Variants in CNTLN observed in about 807,000 individuals in gnomAD.
CNTLN encodes the protein centlein.
In CNTLN, 212 loss-of-function variants were observed where a neutral mutation model predicts 180.0. That is an observed-to-expected ratio of 1.18 (90% CI 1.05 to 1.32). The LOEUF (loss-of-function observed/expected upper bound fraction) is 1.32, where lower values mean the gene tolerates loss of function less well. CNTLN is among the 40% of genes most tolerant of loss of function. The pLI is 0.00. For synonymous variants in CNTLN, 722 were observed against 563.1 expected (o/e 1.28, Z -3.99); for missense variants, 2,095 against 1,610.9 (o/e 1.30, Z -5.14).
At position 17,185,767 on chromosome 9, in the gene CNTLN, C is replaced by T. The variant is rs150839702; in HGVS notation, c.450-40436C>T. Among the ~76,000 whole-genome samples, 228 of 105,830 alleles carry T rather than the reference C, an allele frequency of 2.2e-3. 2 individuals carry two copies. Among genetic ancestry groups the T allele is most frequent in the Middle Eastern group, 5.1e-3 (1 of 196 alleles). 69.4% of individuals were successfully genotyped at this position (105,830 alleles called of 152,430 possible). On this transcript the variant is annotated intron_variant, in intron 2 of 25. Coordinates refer to ENST00000380647, the MANE Select transcript of CNTLN (RefSeq NM_017738.4). ...TCCTCTTTGCTTTTTGAAATGTTTC[C>T]CATTTGTGTGTGTGTGTGTGTGTGT...
chr9:17,175,339 A>C (rs1183898239), intron 2 of CNTLN, among the ~76,000 whole-genome samples: 5 of 152,228 alleles, frequency 3.3e-5, no homozygotes, highest in Non-Finnish European at 4.4e-5. Context: ...TAAGGAGGTC[A>C]AGTTTCTTTT....
Position 17,462,366 on chromosome 9 carries a change from A to AAGAAGGGATCCC in CNTLN, c.3307-550_3307-549insAGAAGGGATCCC, listed in dbSNP as rs530686606. Among the ~76,000 whole-genome samples the AAGAAGGGATCCC allele has an allele frequency of 1.9e-4, 29 of 151,920 alleles. No homozygotes were observed. In the East Asian group the frequency reaches 5.4e-3, roughly 28 times the overall value. ...CCTAGCAAGGTGATCCTGGAGCAGCATTCCAAGAAGGGAAAGAGAGAAGCC... is the reference window on the plus strand; with the variant it reads ...CCTAGCAAGGTGATCCTGGAGCAGCAAGAAGGGATCCCTTCCAAGAAGGGAAAGAGAGAAGCC... On this transcript the variant is annotated intron_variant, in intron 19 of 25. Coordinates refer to ENST00000380647, the MANE Select transcript of CNTLN (RefSeq NM_017738.4).
chr9:17,141,512 A>G (rs1404368637), intron 1 of CNTLN, among the ~76,000 whole-genome samples: 2 of 152,186 alleles, frequency 1.3e-5, no homozygotes, highest in Non-Finnish European at 2.9e-5. Context: ...GAGGAAAGTG[A>G]CAGATGAGGT....
intron 25 of CNTLN, among the ~76,000 whole-genome samples, chr9:17,496,323 G>A (rs1323287654): frequency 5.9e-5 from 9 of 152,142 alleles, no homozygotes; most frequent in African/African-American, 1.2e-4. Flanking sequence ...CATTCCTGGG[G>A]TCTGAGAAGT....
At chr9:17,298,787 T>TAGTA (rs1818135406) in intron 7 of CNTLN, 3 of 986,674 alleles carry the variant, frequency 3.0e-6, no homozygotes, top group South Asian at 9.4e-5. Flanking sequence ...AGGAGGGCTT[T>TAGTA]AGGATCAATA....
chr9:17,260,357 C>T (rs185500125), intron 5 of CNTLN, among the ~76,000 whole-genome samples: 1 of 151,158 alleles, frequency 6.6e-6, no homozygotes, highest in African/African-American at 2.5e-5. Context: ...TTTATAATTT[C>T]TGTTCTTTTA....
intron 24 of CNTLN, among the ~76,000 whole-genome samples, chr9:17,484,979 G>C (rs1231625282): frequency 2.0e-5 from 3 of 152,022 alleles, no homozygotes; most frequent in Non-Finnish European, 4.4e-5. Flanking sequence ...CTTAAAATTG[G>C]TTAAAATACT....
At chr9:17,312,954 C>G (rs1819308520) in intron 8 of CNTLN, among the ~76,000 whole-genome samples, 1 of 151,958 alleles carries the variant, frequency 6.6e-6, no homozygotes, top group African/African-American at 2.4e-5. Context: ...ATTTTTGTTT[C>G]TCCTTTGAGT....
At chr9:17,204,623 T>C (rs1237453056) in intron 2 of CNTLN, among the ~76,000 whole-genome samples, 1 of 151,880 alleles carries the variant, frequency 6.6e-6, no homozygotes, top group Non-Finnish European at 1.5e-5. Context: ...TGTTGGGAGG[T>C]TTCTCCCAGT....
At position 17,455,703 on chromosome 9, in the gene CNTLN, ATGGCAGGCAGGTTTGGGGAG is replaced by A. The variant is rs1440749350; in HGVS notation, c.3115-1801_3115-1782del. 5.4e-3 allele frequency among the ~76,000 whole-genome samples: 818 copies of A among 150,728 alleles called. 17 individuals carry two copies. Among genetic ancestry groups the A allele is most frequent in the African/African-American group, 0.019 (768 of 40,276 alleles). On this transcript the variant is annotated intron_variant, in intron 18 of 25. Transcript: ENST00000380647. Reference sequence around the variant, plus strand: ...CACGTGTAGAGTCATCCATGTAAAAATGGCAGGCAGGTTTGGGGAGTGGCAGGCAGGTTTGGGGAATGGCA... The same window carrying A: ...CACGTGTAGAGTCATCCATGTAAAAATGGCAGGCAGGTTTGGGGAATGGCA...
At chr9:17,435,339 C>G (rs1829703541) in intron 18 of CNTLN, among the ~76,000 whole-genome samples, 1 of 152,136 alleles carries the variant, frequency 6.6e-6, no homozygotes, top group Non-Finnish European at 1.5e-5. Flanking sequence ...GCTTTCTGGA[C>G]TTAGTTATTT....
intron 18 of CNTLN, among the ~76,000 whole-genome samples, chr9:17,438,805 A>C (rs1829938329): frequency 6.6e-6 from 1 of 152,190 alleles, no homozygotes; most frequent in African/African-American, 2.4e-5. Flanking sequence ...GAAATCACCA[A>C]GGGCGTGGAG....
the CNTLN span, among the ~76,000 whole-genome samples, chr9:17,510,245 G>A: frequency 1.3e-5 from 2 of 152,240 alleles, no homozygotes; most frequent in Admixed American, 6.5e-5. Flanking sequence ...ATAAGTAGTT[G>A]AAGAAAGTTG....
At chr9:17,299,736 G>T in intron 7 of CNTLN, 1 of 983,198 alleles carries the variant, frequency 1.0e-6, no homozygotes, top group Non-Finnish European at 1.2e-6. Flanking sequence ...TTGAAACACT[G>T]TACTTTATTA....
At chr9:17,441,956 A>G (rs1389602338) in intron 18 of CNTLN, among the ~76,000 whole-genome samples, 2 of 152,234 alleles carry the variant, frequency 1.3e-5, no homozygotes, top group Non-Finnish European at 2.9e-5. Context: ...TTCACCTGAA[A>G]GAAGGGCCTA....
At chr9:17,236,263 A>T (rs1825134574) in intron 4 of CNTLN, 146 bp from the exon 5 acceptor site, 3 of 607,766 alleles carry the variant, frequency 4.9e-6, no homozygotes, top group Admixed American at 3.7e-5. Context: ...ATAAAAGTAC[A>T]CAGGTGACCT....
intron 25 of CNTLN, among the ~76,000 whole-genome samples, chr9:17,492,983 C>G (rs1199877680): frequency 6.6e-6 from 1 of 152,044 alleles, no homozygotes; most frequent in Non-Finnish European, 1.5e-5. Flanking sequence ...AAGTCAAACA[C>G]AAAAGGACAA....
At chr9:17,300,155 T>A (rs752175204) in intron 7 of CNTLN, 1 of 152,192 alleles carries the variant, frequency 6.6e-6, no homozygotes, top group Non-Finnish European at 1.5e-5. Flanking sequence ...TTTGGAATAT[T>A]TGCATTACAT....
intron 12 of CNTLN, among the ~76,000 whole-genome samples, chr9:17,350,025 G>C (rs996487630): frequency 1.3e-5 from 2 of 152,172 alleles, no homozygotes; most frequent in Admixed American, 1.3e-4. Context: ...TTCTCACTCA[G>C]TTGAAGTTGT....
Sources: allele counts gnomAD v4.1 joint callset (sites outside exome capture counted in the v4.1 genomes callset), GRCh38; gene constraint gnomAD v4.1.1; transcripts MANE v1.5; gene names NCBI Gene and HGNC (gene_info 2026-07-23, HGNC 2026-07-21).